The following GPC6 variants were observed in gnomAD, a reference collection of about 807,000 sequenced individuals.
GPC6 encodes glypican 6, also known as glypican-6.
GPC6 carries 14 observed loss-of-function variants against 55.2 expected under a neutral mutation model. The observed-to-expected ratio is 0.25, with a 90% CI of 0.17 to 0.40. The LOEUF (loss-of-function observed/expected upper bound fraction) is 0.40, where lower values mean the gene tolerates loss of function less well. Ranked by LOEUF, GPC6 falls within the 10% of genes least tolerant of loss-of-function variation. The pLI is 1.00. For missense variants in GPC6, 641 were observed against 708.5 expected, an observed-to-expected ratio of 0.90 and a Z score of 1.08; for synonymous variants, 278 against 259.6, an observed-to-expected ratio of 1.07 and a Z score of -0.68.
At position 93,954,115 on chromosome 13, in the gene GPC6, A is replaced by G. The variant is rs977314796; in HGVS notation, c.712-73614A>G. On this transcript the variant is annotated intron_variant, in intron 3 of 8. Coordinates refer to ENST00000377047, the MANE Select transcript of GPC6 (RefSeq NM_005708.5). ...GCCATTCTGCTTTCTGTCTCTAAGCATGACCTATTCTAGATCTTTCTTCTA... is the reference window on the plus strand; with the variant it reads ...GCCATTCTGCTTTCTGTCTCTAAGCGTGACCTATTCTAGATCTTTCTTCTA... 1.6e-4 allele frequency among the ~76,000 whole-genome samples: 25 copies of G among 152,232 alleles called. 1 individual carries two copies. The highest frequency in any genetic ancestry group is 4.3e-4 in the African/African-American group (18 of 41,552).
chr13:94,054,492 A>G (rs1324123604), intron 4 of GPC6, among the ~76,000 whole-genome samples: 3 of 152,194 alleles, frequency 2.0e-5, no homozygotes, highest in Non-Finnish European at 4.4e-5. Context: ...AGTGCTGCTG[A>G]TGCTGCTGAT....
At chr13:94,301,063 G>A (rs1429354369) in intron 5 of GPC6, among the ~76,000 whole-genome samples, 4 of 152,130 alleles carry the variant, frequency 2.6e-5, no homozygotes, top group Non-Finnish European at 5.9e-5. Flanking sequence ...GGAAACCATG[G>A]TCAAATAGTT....
intron 4 of GPC6, among the ~76,000 whole-genome samples, chr13:94,214,792 A>G (rs753158473): frequency 2.0e-5 from 3 of 152,122 alleles, no homozygotes; most frequent in Non-Finnish European, 4.4e-5. Flanking sequence ...GACTAATCTC[A>G]AACGCAATTA....
intron 1 of GPC6, among the ~76,000 whole-genome samples, chr13:93,342,515 T>C (rs1159721593): frequency 6.6e-6 from 1 of 152,076 alleles, no homozygotes. Flanking sequence ...TCCCCCATGG[T>C]TCAATTACCT....
chr13:94,362,152 A>G lies in GPC6; in HGVS notation c.1153-20262A>G, dbSNP rs565854251. Among the ~76,000 whole-genome samples the G allele has an allele frequency of 1.9e-3, 285 of 152,334 alleles. 1 individual carries two copies. The highest frequency in any genetic ancestry group is 3.4e-3 in the Middle Eastern group (1 of 294). ...AAAATACATACTTTTGCTTCAACAT[A>G]GGCTGAAATGGATACAAAGAATTTT... is the stretch of plus-strand genomic sequence containing the variant. On this transcript the variant is annotated intron_variant, in intron 6 of 8. Coordinates refer to ENST00000377047, the MANE Select transcript of GPC6 (RefSeq NM_005708.5).
intron 1 of GPC6, among the ~76,000 whole-genome samples, chr13:93,277,264 G>T (rs1490026755): frequency 6.6e-6 from 1 of 152,188 alleles, no homozygotes; most frequent in African/African-American, 2.4e-5. Flanking sequence ...AAGTAATTTA[G>T]ACTGGTGACC....
At chr13:93,953,241 A>G (rs368349273) in intron 3 of GPC6, among the ~76,000 whole-genome samples, 1 of 151,944 alleles carries the variant, frequency 6.6e-6, no homozygotes, top group East Asian at 1.9e-4. Context: ...TTCTACTTCT[A>G]TTGAACATTC....
rs1228675750 is a variant in GPC6, at chr13:94,407,812, A to C, written c.*4595A>C. 1.3e-5 allele frequency among the ~76,000 whole-genome samples: 2 copies of C among 152,204 alleles called. No homozygotes were observed. The highest frequency in any genetic ancestry group is 4.8e-5 in the African/African-American group (2 of 41,466). ...ATGTTTCCATCCTCTCAGGCATGCT[A>C]AATATTGTATAACCTGCTAAAGATT... On this transcript the variant is annotated 3_prime_UTR_variant, in exon 9 of 9. Transcript: ENST00000377047.
intron 4 of GPC6, among the ~76,000 whole-genome samples, chr13:94,111,475 TAA>T (rs1424784268): frequency 2.8e-3 from 16 of 5,648 alleles, no homozygotes; most frequent in African/African-American, 0.014. Context: ...AAAGTAAATA[TAA>T]TAATAATAAT....
chr13:93,307,329 A>G (rs1473391055), intron 1 of GPC6, among the ~76,000 whole-genome samples: 7 of 152,166 alleles, frequency 4.6e-5, no homozygotes, highest in African/African-American at 1.7e-4. Context: ...ACATGTATAT[A>G]TTAATATATC....
intron 2 of GPC6, among the ~76,000 whole-genome samples, chr13:93,632,538 A>G (rs920451139): frequency 1.3e-4 from 11 of 81,788 alleles, no homozygotes; most frequent in African/African-American, 3.2e-4. Context: ...GAGCCTGGGT[A>G]TGTTGAGACC....
upstream of GPC6, among the ~76,000 whole-genome samples, chr13:93,222,469 C>T (rs1315012420): frequency 6.6e-6 from 1 of 152,168 alleles, no homozygotes; most frequent in African/African-American, 2.4e-5. Flanking sequence ...ATTCTTTCCA[C>T]CTACTTCACA....
intron 3 of GPC6, among the ~76,000 whole-genome samples, chr13:93,947,526 C>T (rs1009917220): frequency 3.9e-5 from 6 of 152,110 alleles, no homozygotes; most frequent in African/African-American, 1.4e-4. Flanking sequence ...AATTTATCAA[C>T]ATGAACAGCA....
chr13:94,039,068 A>G (rs185529726), intron 4 of GPC6, among the ~76,000 whole-genome samples: 8 of 152,048 alleles, frequency 5.3e-5, no homozygotes, highest in South Asian at 2.1e-4. Flanking sequence ...CAGGGGGGGA[A>G]AAACAGTGGT....
At chr13:93,730,059 G>T (rs1883768953) in intron 2 of GPC6, among the ~76,000 whole-genome samples, 3 of 152,118 alleles carry the variant, frequency 2.0e-5, no homozygotes, top group African/African-American at 4.8e-5. Flanking sequence ...CTGGGTGCTG[G>T]TCACACAGGC....
Position 93,773,395 on chromosome 13 carries a change from G to A in GPC6, c.320-56759G>A, listed in dbSNP as rs112078499. 4.5e-4 allele frequency among the ~76,000 whole-genome samples: 69 copies of A among 152,096 alleles called. 1 individual carries two copies. Among genetic ancestry groups the A allele is most frequent in the African/African-American group, 1.6e-3 (67 of 41,508 alleles). On this transcript the variant is annotated intron_variant, in intron 2 of 8. Transcript: ENST00000377047. ...CCCCATTGAGACATATCCTATTCTGGGCTCTGGAAATTGATGATGAAAAAG... is the reference window on the plus strand; with the variant it reads ...CCCCATTGAGACATATCCTATTCTGAGCTCTGGAAATTGATGATGAAAAAG...
chr13:93,666,983 G>A (rs1018008022), intron 2 of GPC6, among the ~76,000 whole-genome samples: 4 of 152,092 alleles, frequency 2.6e-5, no homozygotes, highest in Admixed American at 2.6e-4. Flanking sequence ...TGTTGCTACA[G>A]TATTCAAAAT....
intron 5 of GPC6, among the ~76,000 whole-genome samples, chr13:94,288,646 C>T (rs1263071709): frequency 6.8e-6 from 1 of 147,470 alleles, no homozygotes; most frequent in Non-Finnish European, 1.5e-5. Flanking sequence ...GTTTTTCACT[C>T]TTCTTACCTT....
chr13:94,266,395 C>A (rs1358114207), intron 4 of GPC6, among the ~76,000 whole-genome samples: 4 of 152,108 alleles, frequency 2.6e-5, no homozygotes, highest in Admixed American at 6.6e-5. Flanking sequence ...GTCTCGATCT[C>A]CTGACCTCGT....
Sources: allele counts gnomAD v4.1 joint callset (sites outside exome capture counted in the v4.1 genomes callset), GRCh38; gene constraint gnomAD v4.1.1; transcripts MANE v1.5; gene names NCBI Gene and HGNC (gene_info 2026-07-23, HGNC 2026-07-21).